The following PHLPP2 variants were observed in gnomAD, a reference collection of about 807,000 sequenced individuals.
PHLPP2 encodes the protein PH domain and leucine rich repeat protein phosphatase 2, also known as PH domain leucine-rich repeat-containing protein phosphatase 2.
PHLPP2 carries 66 observed loss-of-function variants against 124.9 expected under a neutral mutation model. The observed-to-expected ratio is 0.53, with a 90% confidence interval of 0.43 to 0.65. The LOEUF is 0.65. PHLPP2 is among the 30% of genes least tolerant of loss of function. PHLPP2 has a pLI of 0.00. For synonymous variants in PHLPP2, 681 were observed against 624.7 expected (o/e 1.09, Z -1.34); for missense variants, 1,685 against 1,600.4 (o/e 1.05, Z -0.90).
intron 3 of PHLPP2, among the ~76,000 whole-genome samples, chr16:71,701,365 A>G (rs1282659668): frequency 1.3e-5 from 2 of 151,936 alleles, no homozygotes; most frequent in African/African-American, 4.8e-5. Flanking sequence ...TGTTTTTGGT[A>G]CCAGGTACAT....
At chr16:71,673,885 C>T (rs1255580740) in intron 9 of PHLPP2, among the ~76,000 whole-genome samples, 1 of 152,078 alleles carries the variant, frequency 6.6e-6, no homozygotes, top group African/African-American at 2.4e-5. Flanking sequence ...ACTCTTCTGA[C>T]CAAGCAATTA....
chr16:71,677,533 G>GTT (rs11462493), intron 8 of PHLPP2: 2 of 145,566 alleles, frequency 1.4e-5, no homozygotes, highest in Non-Finnish European at 3.0e-5. Flanking sequence ...TGACCTCTGG[G>GTT]TTTTTTCTAC....
rs922308708 is a variant in PHLPP2 at position 71,667,121 on chromosome 16, C to T, written c.1784+57G>A. The T allele has an allele frequency of 5.0e-6, 7 of 1,400,126 alleles. No homozygotes were observed. In the African/African-American group the frequency reaches 1.0e-4, roughly 20 times the overall value. 86.7% of individuals were successfully genotyped at this position (1,400,126 alleles called of 1,614,324 possible). ...CAAAGGTCACTCCAATGATAAGTCA[C>T]TGCAGTCTGTTTAGCCAATGATTCT... On this transcript the variant is annotated intron_variant, in intron 12 of 18. Transcript: ENST00000568954.
At chr16:71,722,369 G>A (rs1023853746) in intron 1 of PHLPP2, among the ~76,000 whole-genome samples, 3 of 152,168 alleles carry the variant, frequency 2.0e-5, no homozygotes, top group African/African-American at 4.8e-5. Flanking sequence ...TGGAGGCAGA[G>A]GTTGCAGAGA....
intron 1 of PHLPP2, among the ~76,000 whole-genome samples, chr16:71,715,840 C>A (rs1029063164): frequency 0.057 from 6,787 of 118,270 alleles, 455 homozygotes; most frequent in African/African-American, 0.19. Flanking sequence ...AAAAAAAAAA[C>A]AAAAAATTAG....
chr16:71,693,260 C>G (rs2045133724), intron 3 of PHLPP2, among the ~76,000 whole-genome samples: 1 of 152,086 alleles, frequency 6.6e-6, no homozygotes, highest in Admixed American at 6.6e-5. Flanking sequence ...GCACTCCAGC[C>G]TGGGGGACAA....
rs372540680 is a variant in PHLPP2, at chr16:71,720,452, G to A, written c.-7+3877C>T. 1.7e-4 allele frequency among the ~76,000 whole-genome samples: 26 copies of A among 152,268 alleles called. No homozygotes were observed. In the South Asian group the frequency reaches 5.2e-3, roughly 30 times the overall value. ...ACTTTTAACTCTAAAAGTGTTCCATGAGGGCAATGATCAGTTCAAAGGTGA... is the reference window on the plus strand; with the variant it reads ...ACTTTTAACTCTAAAAGTGTTCCATAAGGGCAATGATCAGTTCAAAGGTGA... On this transcript the variant is annotated intron_variant, in intron 1 of 18. Coordinates refer to ENST00000568954, the MANE Select transcript of PHLPP2 (RefSeq NM_015020.3).
At chr16:71,690,454 CATT>C in intron 4 of PHLPP2, 62 bp downstream of exon 4, 1 of 1,078,824 alleles carries the variant, frequency 9.3e-7, no homozygotes, top group Non-Finnish European at 1.4e-6. Flanking sequence ...CTATGAAAAG[CATT>C]ATGTGATATT....
intron 1 of PHLPP2, among the ~76,000 whole-genome samples, chr16:71,721,914 A>T (rs528294843): frequency 6.6e-6 from 1 of 152,354 alleles, no homozygotes; most frequent in South Asian, 2.1e-4. Context: ...TGGCTAAGTT[A>T]GACTGGCTTA....
chr16:71,658,340 G>A lies in PHLPP2; in HGVS notation c.2172C>T (p.Asp724=). The A allele has an allele frequency of 6.2e-7, 1 of 1,613,862 alleles. No homozygotes were observed. Among genetic ancestry groups the A allele is most frequent in the Non-Finnish European group, 8.5e-7 (1 of 1,179,834 alleles). The stretch of plus-strand genomic sequence containing the variant: ...CCTCTGGAATCAGGATTTCTGTCAA[G>A]TCGTTGCAACTTAGGTCTACAAACT... The part of the protein sequence containing the change: ...QIQFVDLSCN[D]LTEILIPEAL... Residue 724 remains aspartate (D), a synonymous_variant, in exon 15 of 19, where the codon GAC becomes GAT. Coordinates refer to ENST00000568954, the MANE Select transcript of PHLPP2 (RefSeq NM_015020.3).
At chr16:71,660,217 G>T (rs1267895930) in intron 13 of PHLPP2, among the ~76,000 whole-genome samples, 1 of 151,334 alleles carries the variant, frequency 6.6e-6, no homozygotes, top group Non-Finnish European at 1.5e-5. Flanking sequence ...TTAAAAAATG[G>T]TATTATAGGC....
Position 71,714,634 on chromosome 16 carries a change from G to C in PHLPP2, c.162C>G (p.Ser54=). 6.2e-7 allele frequency: 1 copy of C among 1,613,056 alleles called. No homozygotes were observed. The highest frequency in any genetic ancestry group is 1.3e-5 in the African/African-American group (1 of 75,026). Residue 54 remains serine, a synonymous_variant, in exon 2 of 19, where the codon TCC becomes TCG. Coordinates refer to ENST00000568954, the MANE Select transcript of PHLPP2 (RefSeq NM_015020.3). ...GTAAGTCAGAGGAAGAGGAGGAGGA[G>C]GAAGAGGAAGAGGAGGTGGTGGTGG... ...TTTTTTSSSS[S]SSSSSSDLHL...
At chr16:71,660,939 C>A (rs552756885) in intron 13 of PHLPP2, among the ~76,000 whole-genome samples, 2 of 152,186 alleles carry the variant, frequency 1.3e-5, no homozygotes, top group South Asian at 4.1e-4. Context: ...AGGAAATGAA[C>A]TGATAGTGGA....
Position 71,652,780 on chromosome 16 carries a change from C to A in PHLPP2, c.2817+10G>T. The A allele has an allele frequency of 6.3e-7, 1 of 1,594,570 alleles. No homozygotes were observed. Among genetic ancestry groups the A allele is most frequent in the Non-Finnish European group, 8.6e-7 (1 of 1,162,554 alleles). The stretch of plus-strand genomic sequence containing the variant: ...GGGAGCAGAAGTGACTGGCGGGGAG[C>A]GGAACACACCTCTGTGATGATGGCT... On this transcript the variant is annotated intron_variant, in intron 18 of 18. Coordinates refer to ENST00000568954, the MANE Select transcript of PHLPP2 (RefSeq NM_015020.3).
chr16:71,691,460 C>CAAATAAATAAAT (rs57388026), intron 3 of PHLPP2, among the ~76,000 whole-genome samples: 2 of 139,432 alleles, frequency 1.4e-5, no homozygotes, highest in Non-Finnish European at 3.1e-5. Flanking sequence ...GACGCTGTCT[C>CAAATAAATAAAT]AAATAAATAA....
At chr16:71,707,499 C>T (rs976593917) in intron 2 of PHLPP2, among the ~76,000 whole-genome samples, 1 of 152,176 alleles carries the variant, frequency 6.6e-6, no homozygotes, top group Admixed American at 6.5e-5. Context: ...CTGAGCCACC[C>T]TGACCTGGGT....
At position 71,649,903 on chromosome 16, in the gene PHLPP2, A is replaced by G. The variant is rs534322297; in HGVS notation, c.2959T>C (p.Leu987=). Residue 987 remains leucine (L), a synonymous_variant, in exon 19 of 19, where the codon TTG becomes CTG. Transcript: ENST00000568954. ...DELLILGNKA[L]WEHLSYTEAV... ...TCTGTGTAGGACAAGTGTTCCCACA[A>G]TGCTTTGTTTCCCAGAATCAGCAAC... The G allele has an allele frequency of 2.5e-6, 4 of 1,614,212 alleles. No individual in the cohort carries two copies. The highest frequency in any genetic ancestry group is 1.7e-5 in the Admixed American group (1 of 60,026).
Position 71,648,967 on chromosome 16 carries a change from G to C in PHLPP2, c.3895C>G (p.Gln1299Glu). The C allele has an allele frequency of 6.2e-7, 1 of 1,613,928 alleles. No homozygotes were observed. Among genetic ancestry groups the C allele is most frequent in the Non-Finnish European group, 8.5e-7 (1 of 1,179,998 alleles). ...EEVKEQMKQHQDSRLEPEPHE... is the reference protein window; with the variant it reads ...EEVKEQMKQHEDSRLEPEPHE... Reference sequence around the variant, plus strand: ...GGCTCAGGCTCGAGCCGGCTGTCCTGGTGCTGTTTCATTTGTTCCTTCACT... The same window carrying C: ...GGCTCAGGCTCGAGCCGGCTGTCCTCGTGCTGTTTCATTTGTTCCTTCACT... Residue 1299 changes from glutamine (Q) to glutamate (E), a missense_variant, in exon 19 of 19, where the codon CAG (glutamine) becomes GAG (glutamate). By Grantham distance (29) the Gln-to-Glu change is conservative. Coordinates refer to ENST00000568954, the MANE Select transcript of PHLPP2 (RefSeq NM_015020.3).
At chr16:71,713,945 CTTT>C (rs35131351) in intron 2 of PHLPP2, among the ~76,000 whole-genome samples, 2 of 140,312 alleles carry the variant, frequency 1.4e-5, no homozygotes, top group Non-Finnish European at 3.1e-5. Flanking sequence ...AACAACTTTT[CTTT>C]TTTTTTTTTT....
Sources: gnomAD v4.1 joint callset for allele counts (sites outside exome capture counted in the v4.1 genomes callset) on GRCh38, gnomAD v4.1.1 for gene constraint, MANE v1.5 for transcripts, NCBI Gene and HGNC (gene_info 2026-07-23, HGNC 2026-07-21) for gene names.